The following SCGN variants were observed in gnomAD, a reference collection of about 807,000 sequenced individuals.
SCGN encodes secretagogin.
SCGN carries 30 observed loss-of-function variants against 39.7 expected under a neutral mutation model. That is an observed-to-expected ratio of 0.76 (90% confidence interval 0.57 to 1.03). The LOEUF is 1.03. SCGN is among the 50% of genes least tolerant of loss of function. The pLI, the probability that SCGN is intolerant of heterozygous loss-of-function variation, is 0.00. For synonymous variants in SCGN, 106 were observed against 114.1 expected, an observed-to-expected ratio of 0.93 and a Z score of 0.45; for missense variants, 353 against 349.4, an observed-to-expected ratio of 1.01 and a Z score of -0.08.
chr6:25,694,329 C>T (rs896621642), intron 10 of SCGN, among the ~76,000 whole-genome samples: 2 of 152,150 alleles, frequency 1.3e-5, no homozygotes, highest in Non-Finnish European at 2.9e-5. Context: ...AAAATCCAAA[C>T]CAACAACATA....
chr6:25,695,080 A>T (rs1759821946), intron 10 of SCGN, among the ~76,000 whole-genome samples: 1 of 152,180 alleles, frequency 6.6e-6, no homozygotes, highest in South Asian at 2.1e-4. Flanking sequence ...CAATCATATG[A>T]TGTATATGTT....
chr6:25,663,144 G>C (rs910018598), intron 3 of SCGN, among the ~76,000 whole-genome samples: 1 of 152,196 alleles, frequency 6.6e-6, no homozygotes, highest in African/African-American at 2.4e-5. Context: ...CAATGAGTCT[G>C]TGAGTCTAAG....
intron 10 of SCGN, among the ~76,000 whole-genome samples, chr6:25,697,540 A>C (rs1759854102): frequency 6.6e-6 from 1 of 152,214 alleles, no homozygotes; most frequent in East Asian, 1.9e-4. Flanking sequence ...AGGCTTGGAT[A>C]TGAACTTTAA....
intron 10 of SCGN, among the ~76,000 whole-genome samples, chr6:25,698,390 A>G (rs1246165931): frequency 2.0e-5 from 3 of 152,230 alleles, no homozygotes; most frequent in Non-Finnish European, 4.4e-5. Flanking sequence ...CAAACTTAGA[A>G]TAGTTTGAAT....
chr6:25,652,487 T>G lies in SCGN; in HGVS notation c.82+2T>G, dbSNP rs1281119807. The G allele has an allele frequency of 6.2e-7, 1 of 1,613,648 alleles. No individual in the cohort carries two copies. The highest frequency in any genetic ancestry group is 1.1e-5 in the South Asian group (1 of 91,080). Reference sequence around the variant, plus strand: ...TCTGGCAGCGCTTTGATGCGGATGGTGAGTAGAACAAGCCACTTGCACACT... The same window carrying G: ...TCTGGCAGCGCTTTGATGCGGATGGGGAGTAGAACAAGCCACTTGCACACT... On this transcript the variant is annotated splice_donor_variant, in intron 1 of 10. Coordinates refer to ENST00000377961, the MANE Select transcript of SCGN (RefSeq NM_006998.4). LOFTEE classifies it high-confidence loss of function.
chr6:25,681,524 T>C (rs965758728), intron 6 of SCGN, among the ~76,000 whole-genome samples: 1 of 152,270 alleles, frequency 6.6e-6, no homozygotes, highest in Non-Finnish European at 1.5e-5. Flanking sequence ...TGTATTATTC[T>C]GTCCCTTTGA....
chr6:25,680,202 G>T (rs1759621923), intron 6 of SCGN, among the ~76,000 whole-genome samples: 1 of 152,116 alleles, frequency 6.6e-6, no homozygotes, highest in South Asian at 2.1e-4. Context: ...ATTCACTAAA[G>T]GTTATACTTG....
chr6:25,680,418 T>C (rs1215970963), intron 6 of SCGN, among the ~76,000 whole-genome samples: 3 of 152,202 alleles, frequency 2.0e-5, no homozygotes, highest in Non-Finnish European at 4.4e-5. Flanking sequence ...CAAATGATTT[T>C]TTTCCTGATT....
At chr6:25,680,813 A>C (rs1352354031) in intron 6 of SCGN, among the ~76,000 whole-genome samples, 2 of 152,226 alleles carry the variant, frequency 1.3e-5, no homozygotes, top group Admixed American at 6.5e-5. Context: ...TCTGTAATAC[A>C]CATTTTTGGT....
At chr6:25,655,256 TA>T (rs1353551926) in intron 2 of SCGN, among the ~76,000 whole-genome samples, 1 of 152,228 alleles carries the variant, frequency 6.6e-6, no homozygotes, top group Non-Finnish European at 1.5e-5. Context: ...CTCCTTGTTC[TA>T]GTCATTTATA....
chr6:25,689,150 A>ATTTTTTT (rs11327870), intron 7 of SCGN, 22 bp from the exon 8 acceptor site: 11 of 1,271,524 alleles, frequency 8.7e-6, no homozygotes, highest in African/African-American at 1.6e-5. Flanking sequence ...CCTTACGTGG[A>ATTTTTTT]TTTTTTTTTT....
At chr6:25,684,022 C>T (rs766605115) in intron 7 of SCGN, among the ~76,000 whole-genome samples, 52 of 152,180 alleles carry the variant, frequency 3.4e-4, no homozygotes, top group Non-Finnish European at 6.3e-4. Context: ...GCAGAAATTT[C>T]CATGCAATGC....
chr6:25,654,978 T>C (rs1582568673), intron 2 of SCGN, among the ~76,000 whole-genome samples: 1 of 152,148 alleles, frequency 6.6e-6, no homozygotes, highest in Non-Finnish European at 1.5e-5. Flanking sequence ...CTCCCCCAAG[T>C]GAGGCTTCTG....
chr6:25,670,348 G>A (rs1467906657), intron 6 of SCGN, among the ~76,000 whole-genome samples: 1 of 152,180 alleles, frequency 6.6e-6, no homozygotes, highest in Non-Finnish European at 1.5e-5. Context: ...TAAGCATCAG[G>A]CCAATAACCT....
At chr6:25,685,717 T>G (rs1759696016) in intron 7 of SCGN, among the ~76,000 whole-genome samples, 1 of 152,138 alleles carries the variant, frequency 6.6e-6, no homozygotes, top group Non-Finnish European at 1.5e-5. Context: ...AAAAACAAGA[T>G]TATTTTAAAA....
intron 4 of SCGN, among the ~76,000 whole-genome samples, chr6:25,667,931 G>A (rs77136488): frequency 0.013 from 1,969 of 152,276 alleles, 27 homozygotes; most frequent in African/African-American, 0.034. Context: ...AATTCTCATA[G>A]TTTTGGCATA....
At chr6:25,668,683 T>C (rs1314077213) in intron 4 of SCGN, among the ~76,000 whole-genome samples, 2 of 150,274 alleles carry the variant, frequency 1.3e-5, no homozygotes, top group African/African-American at 5.0e-5. Context: ...CTGCAGGCTT[T>C]GTTGCCAGGG....
At chr6:25,669,857 A>G in intron 5 of SCGN, 142 bp from the exon 6 acceptor site, 1 of 764,216 alleles carries the variant, frequency 1.3e-6, no homozygotes, top group Non-Finnish European at 2.3e-6. Context: ...ACAGCCCTCC[A>G]TTCTTGGATT....
At chr6:25,666,177 T>TAA (rs59692433) in intron 4 of SCGN, among the ~76,000 whole-genome samples, 8 of 124,588 alleles carry the variant, frequency 6.4e-5, no homozygotes, top group Admixed American at 4.1e-4. Context: ...CCATCTCTAC[T>TAA]AAAAAAAAAA....
Sources: gnomAD v4.1 joint callset for allele counts (sites outside exome capture counted in the v4.1 genomes callset) on GRCh38, gnomAD v4.1.1 for gene constraint, MANE v1.5 for transcripts, NCBI Gene and HGNC (gene_info 2026-07-23, HGNC 2026-07-21) for gene names.